The following INPP5A variants were observed in gnomAD, a reference collection of about 807,000 sequenced individuals.
INPP5A encodes the protein 43 kDa inositol polyphosphate 5-phophatase.
INPP5A carries 14 observed loss-of-function variants against 65.2 expected under a neutral mutation model. The observed-to-expected ratio is 0.21, with a 90% CI of 0.14 to 0.34. The LOEUF is 0.34. Among genes scored for constraint, INPP5A ranks in the 10% least tolerant of loss-of-function variants. The pLI, the probability that INPP5A is intolerant of heterozygous loss-of-function variation, is 1.00. For missense variants in INPP5A, 431 were observed against 545.6 expected, an observed-to-expected ratio of 0.79 and a Z score of 2.09; for synonymous variants, 207 against 208.3, an observed-to-expected ratio of 0.99 and a Z score of 0.05.
chr10:132,723,349 T>C (rs1024342830), intron 8 of INPP5A, among the ~76,000 whole-genome samples: 4 of 152,220 alleles, frequency 2.6e-5, no homozygotes, highest in African/African-American at 9.6e-5. Flanking sequence ...GGGAACTCAT[T>C]AGAGTTTGTT....
rs1295887773 is a variant in INPP5A, at chr10:132,663,275, G to A, written c.306+12770G>A. Among the ~76,000 whole-genome samples the A allele has an allele frequency of 2.0e-5, 3 of 152,324 alleles. No individual in the cohort carries two copies. The highest frequency in any genetic ancestry group is 6.5e-5 in the Admixed American group (1 of 15,304). On this transcript the variant is annotated intron_variant, in intron 4 of 15. Transcript: ENST00000368594. The surrounding 1 kb of genome is among the most constrained non-coding windows in gnomAD (Gnocchi z 4.5). ...GTCACTCTGTTGCCCAGGCTGGAGTGCAGTAGTGCAATCGTGGCTTACTGC... is the reference window on the plus strand; with the variant it reads ...GTCACTCTGTTGCCCAGGCTGGAGTACAGTAGTGCAATCGTGGCTTACTGC...
chr10:132,726,579 A>G (rs1189398696), intron 8 of INPP5A, among the ~76,000 whole-genome samples: 1 of 151,870 alleles, frequency 6.6e-6, no homozygotes, highest in African/African-American at 2.4e-5. Flanking sequence ...CTCTTCCTCC[A>G]TGTCGCTGGC....
At chr10:132,711,750 C>T (rs1265618059) in intron 8 of INPP5A, among the ~76,000 whole-genome samples, 1 of 152,236 alleles carries the variant, frequency 6.6e-6, no homozygotes, top group Non-Finnish European at 1.5e-5. Context: ...TGGACTTGTG[C>T]AGAGCAGAAT....
chr10:132,642,574 C>G (rs1017484052), intron 2 of INPP5A, among the ~76,000 whole-genome samples: 1 of 152,164 alleles, frequency 6.6e-6, no homozygotes, highest in African/African-American at 2.4e-5. Flanking sequence ...GAGCTGTGTG[C>G]GTCGCAGCCC....
chr10:132,580,747 A>C (rs1382351082), intron 1 of INPP5A, among the ~76,000 whole-genome samples: 1 of 151,894 alleles, frequency 6.6e-6, no homozygotes, highest in Non-Finnish European at 1.5e-5. Context: ...TTAATGTTTT[A>C]CTCTACTTGT....
At chr10:132,558,502 C>T (rs150510339) in intron 1 of INPP5A, among the ~76,000 whole-genome samples, 102 of 152,354 alleles carry the variant, frequency 6.7e-4, no homozygotes, top group African/African-American at 2.1e-3. Flanking sequence ...CAGGCTCCCT[C>T]TGGGGGCGGG....
At position 132,596,946 on chromosome 10, in the gene INPP5A, T is replaced by C. The variant is rs1419084574; in HGVS notation, c.76-10969T>C. On this transcript the variant is annotated intron_variant, in intron 1 of 15. Coordinates refer to ENST00000368594, the MANE Select transcript of INPP5A (RefSeq NM_005539.5). ...GCGCGCATGTGCACGCATGTGTGCG[T>C]GTGTGCACACATGTGTGCGTGTGTG... 8.3e-4 allele frequency among the ~76,000 whole-genome samples: 107 copies of C among 128,288 alleles called. 1 individual carries two copies. The highest frequency in any genetic ancestry group is 4.8e-3 in the Middle Eastern group (1 of 210). 84.2% of individuals were successfully genotyped at this position (128,288 alleles called of 152,430 possible). A position where few individuals can be genotyped will look rare whatever the true frequency, so the allele number is the denominator to read the frequency against.
At chr10:132,574,287 G>T (rs1299694629) in intron 1 of INPP5A, among the ~76,000 whole-genome samples, 3 of 124,074 alleles carry the variant, frequency 2.4e-5, no homozygotes, top group South Asian at 2.9e-4. Flanking sequence ...GGGTGTGCGT[G>T]CCGTGGGAGG....
rs1452042399 is a variant in INPP5A at position 132,547,284 on chromosome 10, C to T, written c.75+9113C>T. ...GGCTGTCACATGGTTTCTGGACTGTCAGCCTTTGGGCTGAGTGAGGCGTTA... is the reference window on the plus strand; with the variant it reads ...GGCTGTCACATGGTTTCTGGACTGTTAGCCTTTGGGCTGAGTGAGGCGTTA... On this transcript the variant is annotated intron_variant, in intron 1 of 15. Coordinates refer to ENST00000368594, the MANE Select transcript of INPP5A (RefSeq NM_005539.5). The surrounding 1 kb of genome is among the most constrained non-coding windows in gnomAD (Gnocchi z 5.5). Among the ~76,000 whole-genome samples, 2 of 152,338 alleles carry T rather than the reference C, an allele frequency of 1.3e-5. No homozygotes were observed. The highest frequency in any genetic ancestry group is 3.4e-3 in the Middle Eastern group (1 of 294).
intron 9 of INPP5A, among the ~76,000 whole-genome samples, chr10:132,743,920 C>G (rs765452092): frequency 6.6e-6 from 1 of 152,232 alleles, no homozygotes. Context: ...GCAGACAGAC[C>G]ATGGCTGAGC....
At chr10:132,703,658 CCACACA>C (rs377671777) in intron 6 of INPP5A, among the ~76,000 whole-genome samples, 5 of 120,382 alleles carry the variant, frequency 4.2e-5, no homozygotes, top group African/African-American at 1.6e-4. Context: ...CCGCACACCC[CCACACA>C]CACACACGTG....
Position 132,704,037 on chromosome 10 carries a change from C to A in INPP5A, c.475-4276C>A, listed in dbSNP as rs1331507632. Among the ~76,000 whole-genome samples the A allele has an allele frequency of 1.3e-5, 2 of 149,476 alleles. No homozygotes were observed. The highest frequency in any genetic ancestry group is 2.5e-5 in the African/African-American group (1 of 40,494). ...CCCCCACACACGCGTGGCTTCACCCCCACACACACGCAGCTTCACCCGCAT... is the reference window on the plus strand; with the variant it reads ...CCCCCACACACGCGTGGCTTCACCCACACACACACGCAGCTTCACCCGCAT... On this transcript the variant is annotated intron_variant, in intron 6 of 15. Transcript: ENST00000368594. The surrounding 1 kb of genome is among the most constrained non-coding windows in gnomAD (Gnocchi z 4.5).
chr10:132,605,699 G>T (rs1389372416), intron 1 of INPP5A, among the ~76,000 whole-genome samples: 2 of 152,132 alleles, frequency 1.3e-5, no homozygotes, highest in African/African-American at 4.8e-5. Context: ...GGGCCCCATG[G>T]TCACCGTGGC....
rs59804923 is a variant in INPP5A, at chr10:132,562,441, C to T, written c.75+24270C>T. Reference sequence around the variant, plus strand: ...TGGGGGTGGCTCCCCCCATGAGGTGCGTAGAGTTCCTGTGAGGAGTGTGCA... The same window carrying T: ...TGGGGGTGGCTCCCCCCATGAGGTGTGTAGAGTTCCTGTGAGGAGTGTGCA... On this transcript the variant is annotated intron_variant, in intron 1 of 15. Coordinates refer to ENST00000368594, the MANE Select transcript of INPP5A (RefSeq NM_005539.5). 2.9e-3 allele frequency among the ~76,000 whole-genome samples: 445 copies of T among 152,354 alleles called. 1 individual carries two copies. The highest frequency in any genetic ancestry group is 0.01 in the African/African-American group (425 of 41,592).
At chr10:132,543,301 C>G (rs565531943) in intron 1 of INPP5A, among the ~76,000 whole-genome samples, 2 of 152,238 alleles carry the variant, frequency 1.3e-5, no homozygotes, top group South Asian at 4.1e-4. Context: ...CTGTCCCGGG[C>G]GTTTCACATA....
rs1249212758 is a variant in INPP5A at position 132,547,243 on chromosome 10, T to G, written c.75+9072T>G. ...TCCCACCTTGCATGGTGGCTCAGGG[T>G]GGTCAGGGAGGGCGTGGCTGTCACA... On this transcript the variant is annotated intron_variant, in intron 1 of 15. Transcript: ENST00000368594. The surrounding 1 kb of genome is among the most constrained non-coding windows in gnomAD (Gnocchi z 5.5). 6.6e-6 allele frequency among the ~76,000 whole-genome samples: 1 copy of G among 152,190 alleles called. No homozygotes were observed. Among genetic ancestry groups the G allele is most frequent in the Non-Finnish European group, 1.5e-5 (1 of 68,040 alleles).
rs776545394 is a variant in INPP5A, at chr10:132,690,436, C to G, written c.351C>G (p.Ile117Met). ...TTCTTCATGAGTCCTTAAAAAACAT[C>G]TACCAGTTTGACTTTAAAGGTAAGA... is the stretch of plus-strand genomic sequence containing the variant. ...FYFLHESLKN[I>M]YQFDFKAKKY... Residue 117 changes from isoleucine (I) to methionine (M), a missense_variant, in exon 5 of 16, where the codon ATC (isoleucine) becomes ATG (methionine). Coordinates refer to ENST00000368594, the MANE Select transcript of INPP5A (RefSeq NM_005539.5). 1.9e-6 allele frequency: 3 copies of G among 1,612,778 alleles called. No individual in the cohort carries two copies. The highest frequency in any genetic ancestry group is 1.7e-5 in the Admixed American group (1 of 60,006).
Position 132,645,973 on chromosome 10 carries a change from G to C in INPP5A, c.218+5G>C. The C allele has an allele frequency of 6.2e-7, 1 of 1,604,906 alleles. No homozygotes were observed. The highest frequency in any genetic ancestry group is 8.5e-7 in the Non-Finnish European group (1 of 1,172,020). ...CCACGTGGACAAGTTCGTCAAGTAA[G>C]TCTAGGGGCAGGTGCTGGTGCATGT... On this transcript the variant is annotated splice_donor_5th_base_variant and intron_variant, in intron 3 of 15. Coordinates refer to ENST00000368594, the MANE Select transcript of INPP5A (RefSeq NM_005539.5).
At chr10:132,665,047 T>C (rs1020499551) in intron 4 of INPP5A, among the ~76,000 whole-genome samples, 1 of 152,134 alleles carries the variant, frequency 6.6e-6, no homozygotes, top group African/African-American at 2.4e-5. Context: ...GCGCCCCGCC[T>C]GTGCAGGGCA....
Sources: gnomAD v4.1 joint callset for allele counts (sites outside exome capture counted in the v4.1 genomes callset) on GRCh38, gnomAD v4.1.1 for gene constraint, Gnocchi (gnomAD v3.1) non-coding constraint, MANE v1.5 for transcripts, NCBI Gene and HGNC (gene_info 2026-07-23, HGNC 2026-07-21) for gene names.